Variants in ASIC2 observed in about 807,000 individuals in gnomAD.
ASIC2 encodes acid-sensing ion channel 2.
Under a neutral mutation model 57.3 loss-of-function variants are expected in ASIC2, and 25 were observed. The ratio of observed to expected loss-of-function variants is 0.44; its 90% CI spans 0.32 to 0.61. ASIC2 has a LOEUF of 0.61. Among genes scored for constraint, ASIC2 ranks in the 20% least tolerant of loss-of-function variants. The pLI is 0.06. For synonymous variants in ASIC2, 319 were observed against 307.5 expected (o/e 1.04, Z -0.39); for missense variants, 641 against 738.1 (o/e 0.87, Z 1.52).
intron 1 of ASIC2, among the ~76,000 whole-genome samples, chr17:33,282,264 T>A (rs1904981222): frequency 6.6e-6 from 1 of 152,194 alleles, no homozygotes; most frequent in African/African-American, 2.4e-5. Flanking sequence ...AAGTCTGAAA[T>A]GAGTCTTACC....
At chr17:33,642,416 G>A (rs144067062) in intron 1 of ASIC2, among the ~76,000 whole-genome samples, 114 of 152,298 alleles carry the variant, frequency 7.5e-4, no homozygotes, top group African/African-American at 2.3e-3. Flanking sequence ...TGGAGAAGGC[G>A]GAAGTGGAGA....
At position 34,151,108 on chromosome 17, in the gene ASIC2, A is replaced by G. The variant is rs1418274681; in HGVS notation, c.555+4870T>C. On this transcript the variant is annotated intron_variant, in intron 1 of 9. Coordinates refer to the ASIC2 transcript ENST00000359872. ...ACAGAGTGAGACTCCATCTCAAGAAAAAAAAAAAAAAAAAAAATAAAGAGG... is the reference window on the plus strand; with the variant it reads ...ACAGAGTGAGACTCCATCTCAAGAAGAAAAAAAAAAAAAAAAATAAAGAGG... Among the ~76,000 whole-genome samples the G allele has an allele frequency of 3.5e-3, 181 of 51,452 alleles. 2 individuals are homozygous for G. Among genetic ancestry groups the G allele is most frequent in the Middle Eastern group, 0.016 (1 of 64 alleles). 33.8% of individuals were successfully genotyped at this position (51,452 alleles called of 152,430 possible).
At chr17:33,766,008 A>G (rs1312669376) in intron 1 of ASIC2, among the ~76,000 whole-genome samples, 1 of 151,996 alleles carries the variant, frequency 6.6e-6, no homozygotes, top group African/African-American at 2.4e-5. Context: ...GACCCTTAGG[A>G]GTGGTTCTTT....
At chr17:33,379,043 G>T (rs1272820994) in intron 1 of ASIC2, among the ~76,000 whole-genome samples, 5 of 152,178 alleles carry the variant, frequency 3.3e-5, no homozygotes, top group Non-Finnish European at 5.9e-5. Flanking sequence ...ATTATCCACA[G>T]GTATTAGCAT....
At chr17:33,583,359 G>T (rs185893424) in intron 1 of ASIC2, among the ~76,000 whole-genome samples, 12 of 152,240 alleles carry the variant, frequency 7.9e-5, no homozygotes, top group Admixed American at 6.5e-4. Context: ...GGCATAAATG[G>T]CCCCATTACT....
chr17:33,838,627 C>G (rs547841545), intron 1 of ASIC2, among the ~76,000 whole-genome samples: 1 of 152,070 alleles, frequency 6.6e-6, no homozygotes, highest in Non-Finnish European at 1.5e-5. Flanking sequence ...GGGAACTGAG[C>G]CTGAGTTATT....
chr17:33,384,629 AT>A (rs1287421428), intron 1 of ASIC2, among the ~76,000 whole-genome samples: 1 of 152,208 alleles, frequency 6.6e-6, no homozygotes, highest in African/African-American at 2.4e-5. Flanking sequence ...GATGCACTCC[AT>A]GCTGTATCTG....
chr17:33,165,807 T>C (rs922532518), intron 1 of ASIC2, among the ~76,000 whole-genome samples: 3 of 152,186 alleles, frequency 2.0e-5, no homozygotes, highest in Admixed American at 6.5e-5. Context: ...TGCCTTTTAA[T>C]GTAAGGACTT....
At chr17:33,644,589 A>G (rs912231599) in intron 1 of ASIC2, among the ~76,000 whole-genome samples, 3 of 152,238 alleles carry the variant, frequency 2.0e-5, no homozygotes, top group African/African-American at 7.2e-5. Flanking sequence ...TCTTGATTAC[A>G]TGAATTAACC....
rs575168027 is a variant in ASIC2 at position 33,848,289 on chromosome 17, G to T, written c.555+307689C>A. 2.6e-5 allele frequency among the ~76,000 whole-genome samples: 4 copies of T among 152,248 alleles called. No homozygotes were observed. In the East Asian group the frequency reaches 7.8e-4, roughly 30 times the overall value. On this transcript the variant is annotated intron_variant, in intron 1 of 9. Transcript: ENST00000359872. Reference sequence around the variant, plus strand: ...TGCCAATAATGAACGTGCCAACTAAGGGGCAGGCAACCTAGGTTACCCAGT... The same window carrying T: ...TGCCAATAATGAACGTGCCAACTAATGGGCAGGCAACCTAGGTTACCCAGT...
At chr17:34,031,973 C>A (rs991783068) in intron 1 of ASIC2, among the ~76,000 whole-genome samples, 9 of 152,110 alleles carry the variant, frequency 5.9e-5, no homozygotes, top group African/African-American at 2.2e-4. Flanking sequence ...CCCAATCTAG[C>A]AAGGCAGACC....
intron 1 of ASIC2, among the ~76,000 whole-genome samples, chr17:33,213,828 T>C (rs1043729269): frequency 1.3e-5 from 2 of 152,130 alleles, no homozygotes; most frequent in African/African-American, 4.8e-5. Context: ...TGAGACAGGA[T>C]AGGTAGGTGG....
intron 2 of ASIC2, among the ~76,000 whole-genome samples, chr17:33,102,175 C>T (rs1597578353): frequency 6.6e-6 from 1 of 152,216 alleles, no homozygotes; most frequent in South Asian, 2.1e-4. Flanking sequence ...CCAATAACTT[C>T]CTGAAAAAGT....
intron 1 of ASIC2, among the ~76,000 whole-genome samples, chr17:34,035,084 G>C (rs1907813703): frequency 1.3e-5 from 2 of 150,796 alleles, no homozygotes; most frequent in Non-Finnish European, 1.5e-5. Context: ...AAAGCTGGAG[G>C]CATCACGCTA....
intron 1 of ASIC2, among the ~76,000 whole-genome samples, chr17:34,152,010 G>GT (rs952663397): frequency 2.6e-5 from 4 of 152,124 alleles, no homozygotes; most frequent in Admixed American, 6.5e-5. Context: ...CATGTTCCTA[G>GT]TATAATAATA....
chr17:34,103,797 C>G (rs946116379), intron 1 of ASIC2, among the ~76,000 whole-genome samples: 2 of 152,170 alleles, frequency 1.3e-5, no homozygotes, highest in Non-Finnish European at 2.9e-5. Context: ...ATTCTCTGGT[C>G]TGCTGCAGTG....
intron 1 of ASIC2, among the ~76,000 whole-genome samples, chr17:33,889,282 C>CT (rs1328294651): frequency 6.6e-6 from 1 of 152,150 alleles, no homozygotes; most frequent in Non-Finnish European, 1.5e-5. Flanking sequence ...TAGGAAATGA[C>CT]TTCCCTAAAG....
intron 1 of ASIC2, among the ~76,000 whole-genome samples, chr17:33,638,982 C>T (rs1906464710): frequency 6.6e-6 from 1 of 151,956 alleles, no homozygotes; most frequent in Non-Finnish European, 1.5e-5. Context: ...AGATAACACA[C>T]CCTTTACTGA....
At chr17:34,089,227 C>A (rs1206868757) in intron 1 of ASIC2, among the ~76,000 whole-genome samples, 1 of 152,206 alleles carries the variant, frequency 6.6e-6, no homozygotes, top group East Asian at 1.9e-4. Context: ...AGCATCAATG[C>A]TCAGGCAGAG....
Sources: allele counts gnomAD v4.1 joint callset (sites outside exome capture counted in the v4.1 genomes callset), GRCh38; gene constraint gnomAD v4.1.1; transcripts MANE v1.5; gene names NCBI Gene and HGNC (gene_info 2026-07-23, HGNC 2026-07-21).